The following MC2R variants were observed in gnomAD, a reference collection of about 807,000 sequenced individuals.
MC2R encodes adrenocorticotropic hormone receptor.
In MC2R, 9 loss-of-function variants were observed where a neutral mutation model predicts 9.8. That is an observed-to-expected ratio of 0.92 (90% confidence interval 0.55 to 1.60). The LOEUF (loss-of-function observed/expected upper bound fraction) is 1.60. Among genes scored for constraint, MC2R ranks in the 40% most tolerant of loss-of-function variants. The pLI is 0.00. For synonymous variants in MC2R, 185 were observed against 154.7 expected (o/e 1.20, Z -1.45); for missense variants, 370 against 389.0 (o/e 0.95, Z 0.41).
intron 1 of MC2R, among the ~76,000 whole-genome samples, chr18:13,902,203 T>C (rs757189467): frequency 4.6e-5 from 7 of 152,136 alleles, no homozygotes; most frequent in Non-Finnish European, 8.8e-5. Flanking sequence ...CCAACATCTC[T>C]TTATAATAAA....
Position 13,882,487 on chromosome 18 carries a change from C to G in MC2R, c.*2138G>C, listed in dbSNP as rs3744819. On this transcript the variant is annotated 3_prime_UTR_variant, in exon 2 of 2. Transcript: ENST00000327606. ...ATCTTCATTTTGTTTCTTAGATTAACTGCAACAAATCAAAGGCAGTGAGAG... is the reference window on the plus strand; with the variant it reads ...ATCTTCATTTTGTTTCTTAGATTAAGTGCAACAAATCAAAGGCAGTGAGAG... The G allele has an allele frequency of 6.6e-6, 1 of 152,148 alleles. No homozygotes were observed. The highest frequency in any genetic ancestry group is 2.4e-5 in the African/African-American group (1 of 41,394). The allele number at this position is 152,148 out of a possible 1,614,324, so 9.4% of individuals were successfully genotyped here.
At position 13,907,586 on chromosome 18, in the gene MC2R, A is replaced by G. The variant is rs572906916; in HGVS notation, c.-129+7902T>C. 2.0e-5 allele frequency among the ~76,000 whole-genome samples: 3 copies of G among 152,304 alleles called. No individual in the cohort carries two copies. The South Asian group carries it at 6.2e-4, about 32-fold the overall frequency. ...AAACAATCAACAAAGTGAAGAGACAACTCACAGAATGGGAGAAAATATTTG... is the reference window on the plus strand; with the variant it reads ...AAACAATCAACAAAGTGAAGAGACAGCTCACAGAATGGGAGAAAATATTTG... On this transcript the variant is annotated intron_variant, in intron 1 of 1. Transcript: ENST00000327606.
At chr18:13,885,670 T>G (rs936473017) in intron 1 of MC2R, 24 bp from the exon 2 acceptor site, 6 of 827,338 alleles carry the variant, frequency 7.3e-6, no homozygotes, top group African/African-American at 1.7e-5. Flanking sequence ...TACAGAAATA[T>G]TAGTTGCAAA....
At position 13,891,299 on chromosome 18, in the gene MC2R, T is replaced by C. The variant is rs565247829; in HGVS notation, c.-128-5653A>G. 1.3e-3 allele frequency among the ~76,000 whole-genome samples: 201 copies of C among 152,384 alleles called. 2 individuals carry two copies. Among genetic ancestry groups the C allele is most frequent in the Non-Finnish European group, 1.9e-3 (130 of 68,036 alleles). ...TTCCACTGCATGGTATTCCATTGTA[T>C]GGATGTATCCCAAGTTATTTAATCT... On this transcript the variant is annotated intron_variant, in intron 1 of 1. Coordinates refer to ENST00000327606, the MANE Select transcript of MC2R (RefSeq NM_000529.2).
At chr18:13,891,009 C>T (rs115147332) in intron 1 of MC2R, among the ~76,000 whole-genome samples, 1,877 of 152,222 alleles carry the variant, frequency 0.012, 25 homozygotes, top group African/African-American at 0.042. Context: ...CAGCACAGTT[C>T]TGAGAACATT....
intron 1 of MC2R, among the ~76,000 whole-genome samples, chr18:13,898,075 G>A (rs938446157): frequency 2.0e-5 from 3 of 151,720 alleles, no homozygotes; most frequent in Non-Finnish European, 2.9e-5. Flanking sequence ...AGGCTCTTGG[G>A]GTCCCCGATT....
At chr18:13,903,100 A>G (rs1263350907) in intron 1 of MC2R, among the ~76,000 whole-genome samples, 1 of 152,234 alleles carries the variant, frequency 6.6e-6, no homozygotes, top group Non-Finnish European at 1.5e-5. Flanking sequence ...GGTGCTCAAC[A>G]TCATTGATCA....
chr18:13,905,440 C>G (rs140818518), intron 1 of MC2R, among the ~76,000 whole-genome samples: 2 of 151,370 alleles, frequency 1.3e-5, no homozygotes, highest in South Asian at 4.2e-4. Context: ...GAGCCGTGAT[C>G]GTGCCACTAC....
intron 1 of MC2R, among the ~76,000 whole-genome samples, chr18:13,886,347 C>T (rs193265707): frequency 3.5e-4 from 53 of 152,334 alleles, no homozygotes; most frequent in African/African-American, 1.1e-3. Flanking sequence ...TTCTTTGCCG[C>T]CCCACTTTCC....
chr18:13,884,941 T>C lies in MC2R; in HGVS notation c.578A>G (p.Tyr193Cys), dbSNP rs576714152. ...PLMLVFILCL[Y>C]VHMFLLARSH... ...TCGAGCCAGCAGGAACATGTGCACA[T>C]AGAGGCACAGGATGAAGACCAGCAT... is the stretch of plus-strand genomic sequence containing the variant. The change falls in exon 2 of 2, where the codon TAT becomes TGT. Residue 193 changes from tyrosine to cysteine, a missense_variant. Transcript: ENST00000327606. 2 of 1,613,766 alleles carry C rather than the reference T, an allele frequency of 1.2e-6. No individual in the cohort carries two copies. Among genetic ancestry groups the C allele is most frequent in the African/African-American group, 2.7e-5 (2 of 74,886 alleles).
At chr18:13,891,156 C>T (rs530889175) in intron 1 of MC2R, among the ~76,000 whole-genome samples, 72 of 152,318 alleles carry the variant, frequency 4.7e-4, no homozygotes, top group African/African-American at 1.6e-3. Flanking sequence ...AGCATGCCTC[C>T]GCTTCCTGTG....
At chr18:13,909,235 G>GA (rs1184998668) in intron 1 of MC2R, among the ~76,000 whole-genome samples, 4 of 152,172 alleles carry the variant, frequency 2.6e-5, no homozygotes, top group African/African-American at 9.7e-5. Flanking sequence ...CTCATGATTA[G>GA]ACTGGGGTTA....
At chr18:13,896,336 G>A (rs2045346130) in intron 1 of MC2R, among the ~76,000 whole-genome samples, 1 of 152,164 alleles carries the variant, frequency 6.6e-6, no homozygotes, top group Non-Finnish European at 1.5e-5. Flanking sequence ...CCTGACCCTG[G>A]CACAAAGCTT....
chr18:13,890,126 C>A (rs1000777802), intron 1 of MC2R, among the ~76,000 whole-genome samples: 7 of 152,180 alleles, frequency 4.6e-5, no homozygotes, highest in Non-Finnish European at 7.3e-5. Flanking sequence ...TCTTTCTGTT[C>A]TCTAAATTTC....
At position 13,885,711 on chromosome 18, in the gene MC2R, C is replaced by T. The variant is rs142983371; in HGVS notation, c.-128-65G>A. 91 of 620,376 alleles carry T rather than the reference C, an allele frequency of 1.5e-4. 1 individual carries two copies. The highest frequency in any genetic ancestry group is 7.1e-5 in the Non-Finnish European group (25 of 351,696). The allele number at this position is 620,376 out of a possible 1,614,324, so 38.4% of individuals were successfully genotyped here. A position where few individuals can be genotyped will look rare whatever the true frequency, so the allele number is the denominator to read the frequency against. On this transcript the variant is annotated intron_variant, in intron 1 of 1. Transcript: ENST00000327606. ...CTAGAAAATAAAAACCAGCCACACT[C>T]GCTTAAAGAAACTCTATTCCCTCCA...
intron 1 of MC2R, among the ~76,000 whole-genome samples, chr18:13,914,563 G>T (rs2045465369): frequency 6.6e-6 from 1 of 152,264 alleles, no homozygotes; most frequent in Non-Finnish European, 1.5e-5. Flanking sequence ...GGACCCCTTT[G>T]TACCCCTTTC....
chr18:13,886,302 T>C (rs2045275747), intron 1 of MC2R, among the ~76,000 whole-genome samples: 1 of 152,200 alleles, frequency 6.6e-6, no homozygotes, highest in Non-Finnish European at 1.5e-5. Context: ...AAAGCTTTAG[T>C]GGAATTTTGA....
chr18:13,913,801 T>C (rs1307702252), intron 1 of MC2R, among the ~76,000 whole-genome samples: 1 of 152,184 alleles, frequency 6.6e-6, no homozygotes, highest in African/African-American at 2.4e-5. Context: ...TATGCACCTG[T>C]AGCTGTTTGT....
At chr18:13,915,075 T>C (rs149144613) in intron 1 of MC2R, among the ~76,000 whole-genome samples, 99 of 152,270 alleles carry the variant, frequency 6.5e-4, no homozygotes, top group African/African-American at 2.3e-3. Context: ...GCCCACGTCT[T>C]TGTGGCGCTA....
Sources: allele counts gnomAD v4.1 joint callset (sites outside exome capture counted in the v4.1 genomes callset), GRCh38; gene constraint gnomAD v4.1.1; transcripts MANE v1.5; gene names NCBI Gene and HGNC (gene_info 2026-07-23, HGNC 2026-07-21).